The following GBE1 variants were observed in gnomAD, a reference collection of about 807,000 sequenced individuals.
GBE1 encodes the protein 1,4-alpha-glucan branching enzyme 1.
A neutral mutation model predicts 88.8 loss-of-function variants in GBE1; 70 were observed. The ratio of observed to expected loss-of-function variants is 0.79; its 90% CI spans 0.65 to 0.96. GBE1 has a LOEUF of 0.96. Ranked by LOEUF, GBE1 falls within the 40% of genes least tolerant of loss-of-function variation. The pLI is 0.00. For synonymous variants in GBE1, 284 were observed against 300.1 expected (o/e 0.95, Z 0.56); for missense variants, 872 against 871.0 (o/e 1.00, Z -0.01).
Position 81,612,967 on chromosome 3 carries a change from C to T in GBE1, c.993-18944G>A, listed in dbSNP as rs1704202394. On this transcript the variant is annotated intron_variant, in intron 7 of 15. Transcript: ENST00000429644. ...GATGATGATGATGACGATGATGACG[C>T]AAAGGAGGAAGGATTAGAAGATACT... The T allele has an allele frequency of 7.4e-6, 3 of 403,802 alleles. No individual in the cohort carries two copies. The Admixed American group carries it at 9.9e-5, about 13-fold the overall frequency. 25.0% of individuals were successfully genotyped at this position (403,802 alleles called of 1,614,324 possible). A position where few individuals can be genotyped will look rare whatever the true frequency, so the allele number is the denominator to read the frequency against.
intron 14 of GBE1, among the ~76,000 whole-genome samples, chr3:81,526,618 C>A (rs1039992645): frequency 2.0e-5 from 3 of 152,050 alleles, no homozygotes; most frequent in Non-Finnish European, 2.9e-5. Context: ...CTCCCATTCA[C>A]AATTGCTTCA....
chr3:81,502,475 C>A (rs764127486), intron 14 of GBE1, among the ~76,000 whole-genome samples: 14 of 152,086 alleles, frequency 9.2e-5, no homozygotes, highest in Non-Finnish European at 2.1e-4. Flanking sequence ...GTCTACATTG[C>A]CCAGGGAACA....
intron 2 of GBE1, among the ~76,000 whole-genome samples, chr3:81,684,859 A>T (rs2107135493): frequency 6.6e-6 from 1 of 152,318 alleles, no homozygotes; most frequent in South Asian, 2.1e-4. Context: ...CAGTCTGTGA[A>T]AACAGAGGAT....
intron 1 of GBE1, among the ~76,000 whole-genome samples, chr3:81,750,388 T>A (rs1483735010): frequency 6.6e-6 from 1 of 150,824 alleles, no homozygotes; most frequent in Non-Finnish European, 1.5e-5. Flanking sequence ...ACATTTTTAA[T>A]TTTGTTCTCC....
chr3:81,579,151 C>T (rs1436148126), intron 11 of GBE1, among the ~76,000 whole-genome samples: 1 of 151,810 alleles, frequency 6.6e-6, no homozygotes, highest in Non-Finnish European at 1.5e-5. Context: ...TTATAAAATC[C>T]TGTTGAGATA....
intron 1 of GBE1, among the ~76,000 whole-genome samples, chr3:81,747,722 G>A (rs889497308): frequency 6.6e-6 from 1 of 152,168 alleles, no homozygotes; most frequent in Admixed American, 6.5e-5. Context: ...CCTTAACTGA[G>A]TGATTAACCC....
At chr3:81,578,281 T>A (rs1209836040) in intron 11 of GBE1, among the ~76,000 whole-genome samples, 185 bp from the exon 12 acceptor site, 3 of 152,146 alleles carry the variant, frequency 2.0e-5, no homozygotes, top group Admixed American at 6.6e-5. Context: ...GTAAAATATG[T>A]TAGACTTCAA....
chr3:81,675,190 A>G (rs931662409), intron 2 of GBE1, among the ~76,000 whole-genome samples: 9 of 152,026 alleles, frequency 5.9e-5, no homozygotes, highest in Non-Finnish European at 1.5e-5. Context: ...TTCTCTACTT[A>G]ACAGTTTTGT....
At chr3:81,698,622 A>C (rs182630301) in intron 2 of GBE1, among the ~76,000 whole-genome samples, 1 of 152,318 alleles carries the variant, frequency 6.6e-6, no homozygotes, top group African/African-American at 2.4e-5. Context: ...TCATCACTTT[A>C]TATAAAATTA....
chr3:81,603,471 C>A (rs1704060075), intron 7 of GBE1, among the ~76,000 whole-genome samples: 1 of 151,762 alleles, frequency 6.6e-6, no homozygotes, highest in South Asian at 2.1e-4. Context: ...ATTATTTGAT[C>A]TCCATCTTAT....
chr3:81,517,656 T>C (rs868741973), intron 14 of GBE1, among the ~76,000 whole-genome samples: 4 of 151,502 alleles, frequency 2.6e-5, no homozygotes, highest in African/African-American at 9.7e-5. Flanking sequence ...AAGCACATCA[T>C]AGTATAATAA....
chr3:81,536,845 T>G, intron 13 of GBE1, 66 bp downstream of exon 13: 5 of 1,189,748 alleles, frequency 4.2e-6, no homozygotes, highest in Non-Finnish European at 5.9e-6. Flanking sequence ...AGATTTAAAT[T>G]GGTTGCCATT....
At chr3:81,654,442 C>A (rs1468747767) in intron 3 of GBE1, 1 of 152,002 alleles carries the variant, frequency 6.6e-6, no homozygotes, top group Non-Finnish European at 1.5e-5. Context: ...AGGTGGCCAA[C>A]AGTTTTATAT....
chr3:81,612,212 C>A (rs957125461), intron 7 of GBE1: 2 of 364,890 alleles, frequency 5.5e-6, no homozygotes, highest in Admixed American at 4.9e-5. Flanking sequence ...GTTAAATCCA[C>A]GCTCCTTTAA....
intron 1 of GBE1, among the ~76,000 whole-genome samples, chr3:81,749,845 C>T (rs1706471261): frequency 6.6e-6 from 1 of 152,152 alleles, no homozygotes; most frequent in East Asian, 1.9e-4. Context: ...ACAATCTCCA[C>T]TATGTTTTCA....
At chr3:81,703,704 A>G (rs1705733727) in intron 2 of GBE1, among the ~76,000 whole-genome samples, 1 of 152,016 alleles carries the variant, frequency 6.6e-6, no homozygotes, top group Non-Finnish European at 1.5e-5. Context: ...TTGCACATCT[A>G]CTGATTCAAC....
In GBE1 at chr3:81,614,829, C is replaced by T. The variant is rs114794818; in HGVS notation, c.993-20806G>A. 4.6e-3 allele frequency among the ~76,000 whole-genome samples: 693 copies of T among 152,048 alleles called. 1 individual carries two copies. Among genetic ancestry groups the T allele is most frequent in the Middle Eastern group, 0.01 (3 of 294 alleles). On this transcript the variant is annotated intron_variant, in intron 7 of 15. Transcript: ENST00000429644. ...AGCCAAGAGATCATGCCATTGCACC[C>T]CAGCCTGGGAGACAGAGTGACATTC... is the stretch of plus-strand genomic sequence containing the variant.
chr3:81,724,241 A>G (rs1706077668), intron 1 of GBE1, among the ~76,000 whole-genome samples: 1 of 152,204 alleles, frequency 6.6e-6, no homozygotes, highest in African/African-American at 2.4e-5. Flanking sequence ...TATCTTTAAA[A>G]TATTTTATAT....
chr3:81,700,373 TA>T (rs141247585), intron 2 of GBE1, among the ~76,000 whole-genome samples: 2 of 152,118 alleles, frequency 1.3e-5, no homozygotes, highest in Non-Finnish European at 2.9e-5. Context: ...TTACCCTTCT[TA>T]AAAAACTTTA....
Sources: gnomAD v4.1 joint callset for allele counts (sites outside exome capture counted in the v4.1 genomes callset) on GRCh38, gnomAD v4.1.1 for gene constraint, MANE v1.5 for transcripts, NCBI Gene and HGNC (gene_info 2026-07-23, HGNC 2026-07-21) for gene names.